The following RGS12 variants were observed in gnomAD, a reference collection of about 807,000 sequenced individuals.
The protein encoded by RGS12 is regulator of G-protein signaling 12.
RGS12 carries 66 observed loss-of-function variants against 120.1 expected under a neutral mutation model. That is an observed-to-expected ratio of 0.55 (90% CI 0.45 to 0.67). The LOEUF (loss-of-function observed/expected upper bound fraction) is 0.67. Among genes scored for constraint, RGS12 ranks in the 30% least tolerant of loss-of-function variants. RGS12 has a pLI of 0.00. For missense variants in RGS12, 1,859 were observed against 1,957.7 expected, an observed-to-expected ratio of 0.95 and a Z score of 0.95; for synonymous variants, 827 against 804.7, an observed-to-expected ratio of 1.03 and a Z score of -0.47.
intron 17 of RGS12, among the ~76,000 whole-genome samples, chr4:3,436,445 G>C (rs1339453047): frequency 1.3e-5 from 2 of 152,200 alleles, no homozygotes; most frequent in Non-Finnish European, 2.9e-5. Flanking sequence ...AGATGATGTG[G>C]AGCATGGAGG....
chr4:3,345,469 C>G lies in RGS12; in HGVS notation c.1998+2416C>G, dbSNP rs554332132. 4.6e-5 allele frequency among the ~76,000 whole-genome samples: 7 copies of G among 152,302 alleles called. No individual in the cohort carries two copies. The South Asian group carries it at 1.5e-3, about 32-fold the overall frequency. On this transcript the variant is annotated intron_variant, in intron 3 of 17. Coordinates refer to ENST00000336727, the MANE Select transcript of RGS12 (RefSeq NM_001394154.1). ...ATCCTGCAGTCAGGCTTTGATTGCC[C>G]CTTGGTGCTGGGATGGAGCTGTCCC...
chr4:3,387,306 G>A (rs999501898), intron 4 of RGS12, among the ~76,000 whole-genome samples: 1 of 152,202 alleles, frequency 6.6e-6, no homozygotes, highest in Admixed American at 6.5e-5. Context: ...ACCAAATGTC[G>A]TTCTCTCACT....
chr4:3,369,550 A>G (rs777232596), intron 3 of RGS12, among the ~76,000 whole-genome samples: 6 of 152,190 alleles, frequency 3.9e-5, no homozygotes, highest in African/African-American at 1.4e-4. Context: ...TAGGACTCCT[A>G]GAGCCCATTA....
chr4:3,427,363 G>A lies in RGS12; in HGVS notation c.3332-727G>A, dbSNP rs111727114. On this transcript the variant is annotated intron_variant, in intron 14 of 17. Transcript: ENST00000336727. Reference sequence around the variant, plus strand: ...GCGCGACTCCTCCAGTCACATTTGGGCCACAGAAATGGGCTTGAGGCCGTT... The same window carrying A: ...GCGCGACTCCTCCAGTCACATTTGGACCACAGAAATGGGCTTGAGGCCGTT... Among the ~76,000 whole-genome samples the A allele has an allele frequency of 1.4e-3, 211 of 152,346 alleles. 1 individual carries two copies. Among genetic ancestry groups the A allele is most frequent in the African/African-American group, 3.8e-3 (158 of 41,580 alleles).
intron 12 of RGS12, among the ~76,000 whole-genome samples, 158 bp downstream of exon 12, chr4:3,423,136 G>C (rs916213395): frequency 6.6e-6 from 1 of 152,168 alleles, no homozygotes; most frequent in African/African-American, 2.4e-5. Context: ...CCCACACGAG[G>C]CAGCCCCCCT....
intron 1 of RGS12, among the ~76,000 whole-genome samples, chr4:3,306,709 A>T (rs1194318103): frequency 6.6e-6 from 1 of 152,076 alleles, no homozygotes; most frequent in African/African-American, 2.4e-5. Context: ...GGGAGCAGAG[A>T]GTGGTCCCGG....
chr4:3,333,195 G>A (rs1269140713), intron 2 of RGS12, among the ~76,000 whole-genome samples: 3 of 152,122 alleles, frequency 2.0e-5, no homozygotes, highest in African/African-American at 4.8e-5. Flanking sequence ...GATTACAGGC[G>A]CCTGCCACCT....
intron 1 of RGS12, among the ~76,000 whole-genome samples, chr4:3,293,506 G>T (rs1179082405): frequency 6.6e-6 from 1 of 151,964 alleles, no homozygotes; most frequent in Admixed American, 6.5e-5. Flanking sequence ...TCCCTCGTCG[G>T]ACTCCACGAG....
intron 4 of RGS12, among the ~76,000 whole-genome samples, chr4:3,404,882 C>G (rs1165767314): frequency 2.0e-5 from 3 of 152,220 alleles, no homozygotes; most frequent in Admixed American, 6.5e-5. Flanking sequence ...GGGAAAAACA[C>G]AGGATGAAGC....
chr4:3,436,499 G>T (rs963002180), intron 17 of RGS12, among the ~76,000 whole-genome samples: 1 of 152,186 alleles, frequency 6.6e-6, no homozygotes, highest in Non-Finnish European at 1.5e-5. Flanking sequence ...CCCTCGGGGG[G>T]CAGGAAGGGC....
At chr4:3,292,964 C>A (rs940084301), upstream of RGS12, 6 of 139,492 alleles carry the variant, frequency 4.3e-5, no homozygotes, top group Non-Finnish European at 1.0e-4. Flanking sequence ...CGCCCCTCTC[C>A]GTCCCCGCCC....
chr4:3,425,252 T>C (rs1296480666), intron 13 of RGS12, among the ~76,000 whole-genome samples: 1 of 152,150 alleles, frequency 6.6e-6, no homozygotes, highest in Non-Finnish European at 1.5e-5. Flanking sequence ...CGTGATTCCA[T>C]CGAGCTTAGG....
chr4:3,300,664 G>C (rs1209302587), intron 1 of RGS12, among the ~76,000 whole-genome samples: 2 of 152,176 alleles, frequency 1.3e-5, no homozygotes, highest in Non-Finnish European at 2.9e-5. Flanking sequence ...GCCTCTCCCA[G>C]CTTCCAGGGC....
chr4:3,308,004 G>A (rs1412655043), intron 1 of RGS12, among the ~76,000 whole-genome samples: 1 of 152,226 alleles, frequency 6.6e-6, no homozygotes, highest in African/African-American at 2.4e-5. Flanking sequence ...AGCGTGCAGG[G>A]GCTTAGGAAG....
intron 4 of RGS12, among the ~76,000 whole-genome samples, chr4:3,399,730 C>T (rs965355259): frequency 8.5e-5 from 13 of 152,314 alleles, no homozygotes; most frequent in Middle Eastern, 6.8e-3. Context: ...AACCAATATA[C>T]AGATGAGTAT....
At chr4:3,421,067 C>T (rs901198002) in intron 10 of RGS12, among the ~76,000 whole-genome samples, 5 of 152,202 alleles carry the variant, frequency 3.3e-5, no homozygotes, top group Admixed American at 6.5e-5. Context: ...CAGAAGGTGT[C>T]GAAATCAGGC....
At chr4:3,309,328 A>G (rs10527501) in intron 1 of RGS12, among the ~76,000 whole-genome samples, 24 of 82,400 alleles carry the variant, frequency 2.9e-4, no homozygotes, top group Non-Finnish European at 4.1e-4. Flanking sequence ...ACCGGGTGGG[A>G]GAGGAGCTGG....
At chr4:3,326,715 A>T (rs1469497386) in intron 2 of RGS12, among the ~76,000 whole-genome samples, 1 of 152,340 alleles carries the variant, frequency 6.6e-6, no homozygotes, top group Non-Finnish European at 1.5e-5. Flanking sequence ...CCCATTTACA[A>T]TAACTACAAA....
At chr4:3,359,778 A>G (rs532741824) in intron 3 of RGS12, among the ~76,000 whole-genome samples, 49 of 151,750 alleles carry the variant, frequency 3.2e-4, no homozygotes, top group African/African-American at 1.1e-3. Context: ...GTGTGCCACC[A>G]TGCCTGGCTA....
Sources: allele counts gnomAD v4.1 joint callset (sites outside exome capture counted in the v4.1 genomes callset), GRCh38; gene constraint gnomAD v4.1.1; transcripts MANE v1.5; gene names NCBI Gene and HGNC (gene_info 2026-07-23, HGNC 2026-07-21).